Variants in ADAM10 observed in about 807,000 individuals in gnomAD.
The protein encoded by ADAM10 is ADAM metallopeptidase domain 10, also known as disintegrin and metalloproteinase domain-containing protein 10.
ADAM10 carries 17 observed loss-of-function variants against 90.1 expected under a neutral mutation model. The observed-to-expected ratio is 0.19, with a 90% CI of 0.13 to 0.28. The LOEUF is 0.28. ADAM10 is among the 10% of genes least tolerant of loss of function. ADAM10 has a pLI of 1.00. For missense variants in ADAM10, 610 were observed against 914.3 expected (o/e 0.67, Z 4.29); for synonymous variants, 310 against 298.6 (o/e 1.04, Z -0.40).
rs1201994744 is a variant in ADAM10, at chr15:58,640,383, G to A, written c.1012+394C>T. Among the ~76,000 whole-genome samples the A allele has an allele frequency of 2.6e-5, 4 of 152,148 alleles. No individual in the cohort carries two copies. The South Asian group carries it at 6.2e-4, about 24-fold the overall frequency. On this transcript the variant is annotated intron_variant, in intron 8 of 15. Coordinates refer to ENST00000260408, the MANE Select transcript of ADAM10 (RefSeq NM_001110.4). The stretch of plus-strand genomic sequence containing the variant: ...CCTCTTTATCTCACTACAGAAGAGA[G>A]AGCAAGACACAGTTTTCCTCTTTTG...
intron 11 of ADAM10, 140 bp from the exon 12 acceptor site, chr15:58,612,131 GT>G (rs1418654082): frequency 4.5e-6 from 4 of 884,022 alleles, no homozygotes; most frequent in Non-Finnish European, 7.1e-6. Flanking sequence ...TGATAAGTAT[GT>G]TACTGGTATA....
chr15:58,652,613 A>T (rs1396118196), intron 5 of ADAM10, among the ~76,000 whole-genome samples: 1 of 152,158 alleles, frequency 6.6e-6, no homozygotes, highest in East Asian at 1.9e-4. Context: ...TTTTCATGCC[A>T]GTACCATGTT....
chr15:58,630,508 T>C (rs1663903646), intron 9 of ADAM10, among the ~76,000 whole-genome samples: 1 of 152,210 alleles, frequency 6.6e-6, no homozygotes, highest in South Asian at 2.1e-4. Flanking sequence ...AGAAGTGGCA[T>C]TATTAGAACT....
chr15:58,605,503 A>T (rs1157864128), intron 14 of ADAM10, among the ~76,000 whole-genome samples: 1 of 152,226 alleles, frequency 6.6e-6, no homozygotes, highest in African/African-American at 2.4e-5. Context: ...TCCCCTTTAA[A>T]TATACTATAA....
intron 11 of ADAM10, among the ~76,000 whole-genome samples, chr15:58,617,355 A>G (rs1414970340): frequency 6.6e-6 from 1 of 152,134 alleles, no homozygotes; most frequent in African/African-American, 2.4e-5. Context: ...CCCTGGACAC[A>G]TACAACTTAC....
intron 5 of ADAM10, among the ~76,000 whole-genome samples, chr15:58,655,704 A>AGTGTGTG: frequency 1.7e-5 from 1 of 58,438 alleles, no homozygotes; most frequent in Non-Finnish European, 2.7e-5. Context: ...TAGTATATAT[A>AGTGTGTG]TATATAGTAT....
chr15:58,717,582 A>G lies in ADAM10; in HGVS notation c.201T>C (p.His67=). 6.2e-7 allele frequency: 1 copy of G among 1,613,896 alleles called. No homozygotes were observed. Among genetic ancestry groups the G allele is most frequent in the South Asian group, 1.1e-5 (1 of 91,074 alleles). Residue 67 remains histidine, a synonymous_variant, in exon 2 of 16, where the codon CAT becomes CAC. Transcript: ENST00000260408. ...TCAGCAATAAATTTACTTACCTTCC[A>G]TGGGCATGGAAATCTAGACGTAAAA... The part of the protein sequence containing the change: ...DQFLRLDFHA[H]GRHFNLRMKR...
chr15:58,639,862 C>T (rs1434370498), intron 8 of ADAM10, among the ~76,000 whole-genome samples: 2 of 151,276 alleles, frequency 1.3e-5, no homozygotes, highest in Non-Finnish European at 1.5e-5. Flanking sequence ...AATACAAAAG[C>T]TTCTCTTACT....
At chr15:58,672,495 C>G (rs1897216458) in intron 4 of ADAM10, 1 of 152,080 alleles carries the variant, frequency 6.6e-6, no homozygotes, top group African/African-American at 2.4e-5. Context: ...CAAAGGGGGA[C>G]AAGGATGGCT....
intron 2 of ADAM10, among the ~76,000 whole-genome samples, chr15:58,687,419 C>T (rs1427606179): frequency 6.6e-6 from 1 of 152,046 alleles, no homozygotes; most frequent in African/African-American, 2.4e-5. Flanking sequence ...TAAAAACTAA[C>T]ATAAAAACAT....
chr15:58,679,249 A>G lies in ADAM10; in HGVS notation c.359T>C (p.Ile120Thr), dbSNP rs144890810. 3.8e-5 allele frequency: 61 copies of G among 1,613,996 alleles called. No individual in the cohort carries two copies. The highest frequency in any genetic ancestry group is 8.0e-5 in the African/African-American group (6 of 74,938). ...EEGSFSHGSV[I>T]DGRFEGFIQT... is the part of the protein sequence containing the mutation. ...GATGAATCCTTCAAATCTTCCATCA[A>G]TAACAGACCCATGGCTAAAACTTCC... Residue 120 changes from isoleucine (I) to threonine (T), a missense_variant, in exon 4 of 16, where the codon ATT (isoleucine) becomes ACT (threonine). Around this residue, in one of 4 missense-constraint regions of ADAM10, gnomAD observed 310 missense variants for 362.4 expected, o/e 0.86. Transcript: ENST00000260408.
intron 5 of ADAM10, among the ~76,000 whole-genome samples, chr15:58,648,107 G>A (rs1896600058): frequency 6.6e-6 from 1 of 152,144 alleles, no homozygotes; most frequent in Admixed American, 6.5e-5. Flanking sequence ...TGATGGAAAT[G>A]TTTATTTGCT....
At chr15:58,701,310 A>AATG (rs751696584) in intron 2 of ADAM10, among the ~76,000 whole-genome samples, 20 of 152,168 alleles carry the variant, frequency 1.3e-4, no homozygotes, top group Non-Finnish European at 2.5e-4. Flanking sequence ...AAGACACAGA[A>AATG]ATGTTGGTTT....
rs1894839964 is a variant in ADAM10 at position 58,592,238 on chromosome 15, T to A, written c.*5309A>T. ...TGTGAGGTTAGCAGTCACTGGCGAT[T>A]ATTGTCTAGATCCATAAATTGTTGG... is the stretch of plus-strand genomic sequence containing the variant. On this transcript the variant is annotated 3_prime_UTR_variant, in exon 16 of 16. Coordinates refer to ENST00000260408, the MANE Select transcript of ADAM10 (RefSeq NM_001110.4). 6.6e-6 allele frequency: 1 copy of A among 152,208 alleles called. No homozygotes were observed. Among genetic ancestry groups the A allele is most frequent in the African/African-American group, 2.4e-5 (1 of 41,454 alleles). 9.4% of individuals were successfully genotyped at this position (152,208 alleles called of 1,614,324 possible).
intron 1 of ADAM10, among the ~76,000 whole-genome samples, chr15:58,739,199 G>A (rs1295665392): frequency 2.0e-5 from 3 of 152,222 alleles, no homozygotes; most frequent in African/African-American, 7.2e-5. Flanking sequence ...GGGCTACCAA[G>A]AAAATTTATA....
intron 5 of ADAM10, among the ~76,000 whole-genome samples, chr15:58,663,414 G>A (rs1056694985): frequency 6.6e-6 from 1 of 151,980 alleles, no homozygotes; most frequent in Non-Finnish European, 1.5e-5. Context: ...TTTTTATTCC[G>A]CTAGTTAATT....
At chr15:58,601,637 T>C (rs1895114755) in intron 14 of ADAM10, among the ~76,000 whole-genome samples, 1 of 152,152 alleles carries the variant, frequency 6.6e-6, no homozygotes, top group Admixed American at 6.5e-5. Context: ...TCAGGGCTGA[T>C]ACATTACTAA....
At chr15:58,739,229 G>A (rs558104986) in intron 1 of ADAM10, among the ~76,000 whole-genome samples, 17 of 152,128 alleles carry the variant, frequency 1.1e-4, no homozygotes, top group South Asian at 4.1e-4. Context: ...ATTTTGGGCC[G>A]GGCGCGGTGG....
Position 58,599,095 on chromosome 15 carries a change from G to A in ADAM10, c.2152+503C>T, listed in dbSNP as rs189545032. 4.4e-3 allele frequency among the ~76,000 whole-genome samples: 671 copies of A among 151,586 alleles called. 6 individuals carry two copies. The highest frequency in any genetic ancestry group is 0.015 in the Admixed American group (233 of 15,200). Reference sequence around the variant, plus strand: ...TCCCAGCTACTTAGGAGGCTAAAGTGGGGAGGATTGCTTGAGCTCAGGAGT... The same window carrying A: ...TCCCAGCTACTTAGGAGGCTAAAGTAGGGAGGATTGCTTGAGCTCAGGAGT... On this transcript the variant is annotated intron_variant, in intron 15 of 15. Transcript: ENST00000260408.
Sources: gnomAD v4.1 joint callset for allele counts (sites outside exome capture counted in the v4.1 genomes callset) on GRCh38, gnomAD v4.1.1 for gene constraint, gnomAD v4.1.1 regional missense constraint, MANE v1.5 for transcripts, NCBI Gene and HGNC (gene_info 2026-07-23, HGNC 2026-07-21) for gene names.